Variants in EIF4ENIF1 observed in about 807,000 individuals in gnomAD.
EIF4ENIF1 encodes eukaryotic translation initiation factor 4E transporter.
In EIF4ENIF1, 23 loss-of-function variants were observed where a neutral mutation model predicts 110.5. The ratio of observed to expected loss-of-function variants is 0.21; its 90% CI spans 0.15 to 0.29. The LOEUF (loss-of-function observed/expected upper bound fraction) is 0.29, where lower values mean the gene tolerates loss of function less well. Ranked by LOEUF, EIF4ENIF1 falls within the 10% of genes least tolerant of loss-of-function variation. EIF4ENIF1 has a pLI of 1.00. For missense variants in EIF4ENIF1, 1,031 were observed against 1,221.1 expected, an observed-to-expected ratio of 0.84 and a Z score of 2.32; for synonymous variants, 440 against 437.0, an observed-to-expected ratio of 1.01 and a Z score of -0.09.
chr22:31,462,819 G>A (rs532250463), intron 6 of EIF4ENIF1, 113 bp downstream of exon 6: 1 of 1,093,690 alleles, frequency 9.1e-7, no homozygotes, highest in South Asian at 1.5e-5. Flanking sequence ...CTGACCTCAG[G>A]TGATCCGCCC....
At chr22:31,436,967 C>T (rs780952855), downstream of EIF4ENIF1, 1 of 152,176 alleles carries the variant, frequency 6.6e-6, no homozygotes, top group African/African-American at 2.4e-5. Context: ...TGTAAGTTAT[C>T]GTCATTCTTG....
chr22:31,440,029 T>C lies in EIF4ENIF1; in HGVS notation c.2809A>G (p.Met937Val). 2 of 1,613,942 alleles carry C rather than the reference T, an allele frequency of 1.2e-6. No homozygotes were observed. Among genetic ancestry groups the C allele is most frequent in the Non-Finnish European group, 1.7e-6 (2 of 1,179,928 alleles). Reference sequence around the variant, plus strand: ...GGGCGATGCTCCAGCTGGGAGTGCATGTGGGGCAGGCCTGACCGGCTGGGC... The same window carrying C: ...GGGCGATGCTCCAGCTGGGAGTGCACGTGGGGCAGGCCTGACCGGCTGGGC... ...NVPSRSGLPH[M>V]HSQLEHRPSQ... The change falls in exon 19 of 19, where the codon ATG becomes GTG. Residue 937 changes from methionine (M) to valine (V), a missense_variant. Around this residue, in one of 3 missense-constraint regions of EIF4ENIF1, gnomAD observed 309 missense variants for 299.1 expected, o/e 1.03. Coordinates refer to ENST00000330125, the MANE Select transcript of EIF4ENIF1 (RefSeq NM_019843.4).
At chr22:31,470,734 G>T (rs1970403583) in intron 3 of EIF4ENIF1, among the ~76,000 whole-genome samples, 1 of 145,886 alleles carries the variant, frequency 6.9e-6, no homozygotes, top group African/African-American at 2.6e-5. Context: ...TCAGGCTGGA[G>T]TGCAGTGACA....
intron 4 of EIF4ENIF1, 57 bp downstream of exon 4, chr22:31,468,118 A>G: frequency 1.3e-6 from 2 of 1,582,826 alleles, no homozygotes; most frequent in Non-Finnish European, 1.7e-6. Context: ...TGAAACCAGC[A>G]GGCAAAAGCA....
At chr22:31,484,803 G>A (rs560944244) in intron 2 of EIF4ENIF1, among the ~76,000 whole-genome samples, 2 of 152,320 alleles carry the variant, frequency 1.3e-5, no homozygotes, top group East Asian at 3.9e-4. Flanking sequence ...TTGCACTCCA[G>A]CCTGGGCAAC....
chr22:31,465,705 G>C (rs1188461749), intron 4 of EIF4ENIF1, among the ~76,000 whole-genome samples: 2 of 152,184 alleles, frequency 1.3e-5, no homozygotes, highest in African/African-American at 4.8e-5. Context: ...CTTATGTCCA[G>C]AGACTTGTAC....
At chr22:31,461,323 T>C (rs78336848) in intron 6 of EIF4ENIF1, among the ~76,000 whole-genome samples, 2,314 of 152,262 alleles carry the variant, frequency 0.015, 14 homozygotes, top group Middle Eastern at 0.037. Flanking sequence ...TAAAAAATGA[T>C]TGGCTGCAGA....
intron 2 of EIF4ENIF1, among the ~76,000 whole-genome samples, chr22:31,487,236 G>T (rs1253131401): frequency 6.6e-6 from 1 of 152,168 alleles, no homozygotes; most frequent in Non-Finnish European, 1.5e-5. Flanking sequence ...AAATCTGAAT[G>T]TGGAAAAAGT....
intron 14 of EIF4ENIF1, chr22:31,446,791 G>A (rs2050494276): frequency 3.3e-6 from 1 of 300,330 alleles, no homozygotes; most frequent in African/African-American, 2.2e-5. Context: ...AGTTTTGTCT[G>A]TTTTATTTTA....
At chr22:31,478,684 G>C (rs2051688199) in intron 2 of EIF4ENIF1, among the ~76,000 whole-genome samples, 1 of 151,904 alleles carries the variant, frequency 6.6e-6, no homozygotes, top group African/African-American at 2.4e-5. Context: ...GGGCACAGTG[G>C]CTCAAGCCTG....
chr22:31,458,525 A>G lies in EIF4ENIF1; in HGVS notation c.913T>C (p.Phe305Leu). 6.2e-7 allele frequency: 1 copy of G among 1,611,838 alleles called. No individual in the cohort carries two copies. Among genetic ancestry groups the G allele is most frequent in the South Asian group, 1.1e-5 (1 of 90,806 alleles). ...AVLPEQSPGDFDFNEFFNLDK... is the reference protein window; with the variant it reads ...AVLPEQSPGDLDFNEFFNLDK... ...AGGTTAAAGAACTCATTAAAGTCAA[A>G]GTCTCCTGGGGACTGCTCAGGCAAG... is the stretch of plus-strand genomic sequence containing the variant. The change falls in exon 7 of 19, where the codon TTT (phenylalanine) becomes CTT (leucine). Residue 305 changes from phenylalanine to leucine, a missense_variant. Around this residue, in one of 3 missense-constraint regions of EIF4ENIF1, gnomAD observed 704 missense variants for 879.7 expected, o/e 0.80. Coordinates refer to ENST00000330125, the MANE Select transcript of EIF4ENIF1 (RefSeq NM_019843.4).
intron 18 of EIF4ENIF1, 140 bp from the exon 19 acceptor site, chr22:31,440,261 A>C: frequency 3.2e-6 from 4 of 1,255,902 alleles, no homozygotes; most frequent in Non-Finnish European, 4.4e-6. Flanking sequence ...TTTGCAAAAT[A>C]CCAACAATGC....
In EIF4ENIF1 at chr22:31,450,330, C is replaced by CT; in HGVS notation, c.1542_1543insA (p.Ala515SerfsTer2). On this transcript the variant is annotated frameshift_variant, in exon 11 of 19. Coordinates refer to ENST00000330125, the MANE Select transcript of EIF4ENIF1 (RefSeq NM_019843.4). LOFTEE classifies it high-confidence loss of function. ...GGGACAGGCTGGCCTGGAATCTCAG[C>CT]AGGGGACATCAAATGGCTTTCAAGG... 1.2e-6 allele frequency: 2 copies of CT among 1,613,522 alleles called. No homozygotes were observed. Among genetic ancestry groups the CT allele is most frequent in the Non-Finnish European group, 1.7e-6 (2 of 1,179,586 alleles).
rs1424739591 is a variant in EIF4ENIF1 at position 31,468,197 on chromosome 22, A to C, written c.276T>G (p.Pro92=). Reference sequence around the variant, plus strand: ...CACCTACTATCCTGCGCACCAGGGAAGGCCGGTCTGTATCCAACTCTTTCT... The same window carrying C: ...CACCTACTATCCTGCGCACCAGGGACGGCCGGTCTGTATCCAACTCTTTCT... The part of the protein sequence containing the change: ...SLKKELDTDR[P]SLVRRIVDPR... Residue 92 remains proline (P), a synonymous_variant, in exon 4 of 19, where the codon CCT becomes CCG. Transcript: ENST00000330125. The C allele has an allele frequency of 6.2e-7, 1 of 1,614,118 alleles. No homozygotes were observed. Among genetic ancestry groups the C allele is most frequent in the African/African-American group, 1.3e-5 (1 of 75,060 alleles).
chr22:31,464,429 C>G (rs1388710412), intron 4 of EIF4ENIF1, among the ~76,000 whole-genome samples: 2 of 151,560 alleles, frequency 1.3e-5, no homozygotes, highest in East Asian at 3.9e-4. Flanking sequence ...GCCTATAATC[C>G]AGTACTTTGG....
intron 6 of EIF4ENIF1, among the ~76,000 whole-genome samples, chr22:31,460,249 CCTT>C (rs1405451819): frequency 6.6e-6 from 1 of 152,174 alleles, no homozygotes; most frequent in Non-Finnish European, 1.5e-5. Context: ...ATTTCCTTCT[CCTT>C]CTAAATAAAT....
intron 1 of EIF4ENIF1, 58 bp from the exon 2 acceptor site, chr22:31,488,803 G>A (rs1232152175): frequency 2.6e-6 from 4 of 1,526,926 alleles, no homozygotes; most frequent in Non-Finnish European, 3.5e-6. Flanking sequence ...CAGAAATCTT[G>A]GCTGTTTCTT....
chr22:31,448,171 C>T lies in EIF4ENIF1; in HGVS notation c.1830G>A (p.Met610Ile), dbSNP rs750253400. 1 of 1,614,010 alleles carries T rather than the reference C, an allele frequency of 6.2e-7. No individual in the cohort carries two copies. The highest frequency in any genetic ancestry group is 1.3e-5 in the African/African-American group (1 of 74,904). ...GCCTGACCTGGGCTGTGATGGGGCTCATGGGTTTGCGCATGCCTTGGAATG... is the reference window on the plus strand; with the variant it reads ...GCCTGACCTGGGCTGTGATGGGGCTTATGGGTTTGCGCATGCCTTGGAATG... ...GDPFQGMRKP[M>I]SPITAQMSQL... The change falls in exon 13 of 19, where the codon ATG becomes ATA. Residue 610 changes from methionine (M) to isoleucine (I), a missense_variant. By Grantham distance (10) the Met-to-Ile change is conservative. Coordinates refer to ENST00000330125, the MANE Select transcript of EIF4ENIF1 (RefSeq NM_019843.4).
intron 6 of EIF4ENIF1, 69 bp downstream of exon 6, chr22:31,462,863 G>A: frequency 7.2e-6 from 11 of 1,527,152 alleles, no homozygotes; most frequent in Non-Finnish European, 9.8e-6. Flanking sequence ...GATTACAGGT[G>A]TGAGCCACCA....
Sources: allele counts gnomAD v4.1 joint callset (sites outside exome capture counted in the v4.1 genomes callset), GRCh38; gene constraint gnomAD v4.1.1; regional missense constraint gnomAD v4.1.1; transcripts MANE v1.5; gene names NCBI Gene and HGNC (gene_info 2026-07-23, HGNC 2026-07-21).